Variants in SGCD observed in about 807,000 individuals in gnomAD.
The protein encoded by SGCD is delta-sarcoglycan.
Under a neutral mutation model 36.6 loss-of-function variants are expected in SGCD, and 18 were observed. The ratio of observed to expected loss-of-function variants is 0.49; its 90% CI spans 0.34 to 0.73. The LOEUF (loss-of-function observed/expected upper bound fraction) is 0.73, where lower values mean the gene tolerates loss of function less well. Among genes scored for constraint, SGCD ranks in the 30% least tolerant of loss-of-function variants. The probability of loss-of-function intolerance (pLI) is 0.01; values close to 1 mark genes in which losing one functional copy is unlikely to be tolerated. For synonymous variants in SGCD, 133 were observed against 130.6 expected (o/e 1.02, Z -0.12); for missense variants, 387 against 346.7 (o/e 1.12, Z -0.92).
chr5:156,588,105 G>A (rs577216663), intron 4 of SGCD, among the ~76,000 whole-genome samples: 1 of 151,960 alleles, frequency 6.6e-6, no homozygotes, highest in Admixed American at 6.6e-5. Flanking sequence ...CATGTTCTGT[G>A]TCAGAGATTC....
At chr5:156,285,465 C>G (rs1316892063) in intron 3 of SGCD, among the ~76,000 whole-genome samples, 1 of 152,024 alleles carries the variant, frequency 6.6e-6, no homozygotes, top group Non-Finnish European at 1.5e-5. Context: ...GGTACTGGTA[C>G]CAAAACAGAG....
intron 3 of SGCD, among the ~76,000 whole-genome samples, chr5:156,438,280 A>T (rs1753330115): frequency 6.6e-6 from 1 of 152,150 alleles, no homozygotes; most frequent in East Asian, 1.9e-4. Context: ...GGTTTTGACC[A>T]TATGCTCCTG....
intron 1 of SGCD, among the ~76,000 whole-genome samples, chr5:155,902,028 C>G (rs1317077723): frequency 6.6e-6 from 1 of 152,118 alleles, no homozygotes; most frequent in Non-Finnish European, 1.5e-5. Context: ...CAATCTGATT[C>G]TAAAGATTTA....
chr5:156,572,790 C>G (rs1325234896), intron 4 of SGCD, among the ~76,000 whole-genome samples: 2 of 152,142 alleles, frequency 1.3e-5, no homozygotes, highest in Non-Finnish European at 2.9e-5. Context: ...CCCTTTCCAA[C>G]CAAACTAATA....
chr5:155,882,385 G>T (rs1033674806), intron 1 of SGCD, among the ~76,000 whole-genome samples: 2 of 152,096 alleles, frequency 1.3e-5, no homozygotes, highest in African/African-American at 4.8e-5. Context: ...GGCCACAAAT[G>T]TTCCTAATGA....
At chr5:156,252,911 C>G (rs1190561053) in intron 3 of SGCD, among the ~76,000 whole-genome samples, 1 of 152,246 alleles carries the variant, frequency 6.6e-6, no homozygotes, top group East Asian at 1.9e-4. Context: ...CACAGTGCTT[C>G]CTTATGAGGT....
chr5:156,611,189 C>T (rs139860972), intron 6 of SGCD, among the ~76,000 whole-genome samples: 87 of 152,338 alleles, frequency 5.7e-4, no homozygotes, highest in African/African-American at 2.0e-3. Context: ...GGCTCCTCCC[C>T]TCGATTATGA....
chr5:156,030,034 C>T (rs1309595633), intron 1 of SGCD, among the ~76,000 whole-genome samples: 1 of 152,114 alleles, frequency 6.6e-6, no homozygotes, highest in Non-Finnish European at 1.5e-5. Flanking sequence ...ATTTTGTGCT[C>T]AGATACTAGT....
At chr5:156,137,959 A>C (rs945344134) in intron 3 of SGCD, among the ~76,000 whole-genome samples, 3 of 152,154 alleles carry the variant, frequency 2.0e-5, no homozygotes, top group Non-Finnish European at 4.4e-5. Context: ...ACACATTTTA[A>C]ATGTGGGATC....
intron 1 of SGCD, among the ~76,000 whole-genome samples, chr5:155,948,131 G>A (rs1423019895): frequency 6.6e-6 from 1 of 152,024 alleles, no homozygotes; most frequent in East Asian, 1.9e-4. Context: ...CAAAAAAATA[G>A]CCAGTTGTGG....
At chr5:156,169,000 G>A (rs773390104) in intron 3 of SGCD, among the ~76,000 whole-genome samples, 5 of 152,164 alleles carry the variant, frequency 3.3e-5, no homozygotes, top group South Asian at 2.1e-4. Context: ...CTGTAACTAC[G>A]AATCAAAAGG....
rs114841015 is a variant in SGCD at position 156,336,605 on chromosome 5, A to G, written c.3+7026A>G. On this transcript the variant is annotated intron_variant, in intron 2 of 8. Transcript: ENST00000337851. ...TGGACCAAGTTAGATTTAGAGCATT[A>G]TGTAAAATATGCTCTTGTTTGTGTA... is the stretch of plus-strand genomic sequence containing the variant. Among the ~76,000 whole-genome samples, 1,297 of 152,314 alleles carry G rather than the reference A, an allele frequency of 8.5e-3. 20 individuals carry two copies. The highest frequency in any genetic ancestry group is 0.029 in the African/African-American group (1,219 of 41,554).
At chr5:156,447,700 G>A (rs958618618) in intron 3 of SGCD, among the ~76,000 whole-genome samples, 3 of 152,062 alleles carry the variant, frequency 2.0e-5, no homozygotes, top group South Asian at 2.1e-4. Context: ...GCTAATGCAC[G>A]CAGGGCTTAA....
In SGCD at chr5:156,071,327, T is replaced by G. The variant is rs561194698; in HGVS notation, c.-281-46551T>G. 6.0e-4 allele frequency among the ~76,000 whole-genome samples: 92 copies of G among 152,372 alleles called. 1 individual carries two copies. Among genetic ancestry groups the G allele is most frequent in the African/African-American group, 1.3e-3 (53 of 41,596 alleles). The stretch of plus-strand genomic sequence containing the variant: ...ATGTGTCCCAGAGATTCTGGTATGT[T>G]GTATCTTTGTTCTCATTGGTTTCAA... On this transcript the variant is annotated intron_variant, in intron 1 of 9. Coordinates refer to the SGCD transcript ENST00000517913.
chr5:156,042,622 G>C (rs1446638107), intron 1 of SGCD, among the ~76,000 whole-genome samples: 1 of 152,156 alleles, frequency 6.6e-6, no homozygotes, highest in Non-Finnish European at 1.5e-5. Context: ...CTGCTGATTT[G>C]TTGGGGATGC....
chr5:156,189,507 C>T (rs1160184815), intron 3 of SGCD, among the ~76,000 whole-genome samples: 1 of 152,010 alleles, frequency 6.6e-6, no homozygotes, highest in Non-Finnish European at 1.5e-5. Flanking sequence ...GTATAAAGAT[C>T]ATTTAATTAA....
chr5:156,377,696 T>C (rs763545589), intron 3 of SGCD, among the ~76,000 whole-genome samples: 1 of 152,136 alleles, frequency 6.6e-6, no homozygotes, highest in Non-Finnish European at 1.5e-5. Context: ...ATCAGTAAAA[T>C]GTAGGCTAAA....
chr5:156,531,477 T>C (rs1009416907), intron 4 of SGCD, among the ~76,000 whole-genome samples: 6 of 152,172 alleles, frequency 3.9e-5, no homozygotes, highest in Non-Finnish European at 7.3e-5. Flanking sequence ...CTAACCCCAA[T>C]GCAATGGTGG....
the SGCD span, among the ~76,000 whole-genome samples, chr5:155,746,821 T>C: frequency 9.9e-3 from 1,513 of 152,290 alleles, 22 homozygotes; most frequent in African/African-American, 0.034. Context: ...TGTGCCTGTG[T>C]ATCTCTTAGG....
Sources: allele counts gnomAD v4.1 joint callset (sites outside exome capture counted in the v4.1 genomes callset), GRCh38; gene constraint gnomAD v4.1.1; transcripts MANE v1.5; gene names NCBI Gene and HGNC (gene_info 2026-07-23, HGNC 2026-07-21).